Variants in CCR3 observed in about 807,000 individuals in gnomAD.
CCR3 encodes the protein C-C motif chemokine receptor 3, also known as C-C chemokine receptor type 3.
For missense variants in CCR3, 419 were observed against 437.5 expected (o/e 0.96, Z 0.38); for synonymous variants, 203 against 179.2 (o/e 1.13, Z -1.06).
chr3:46,222,017 G>A (rs1699843022), intron 2 of CCR3, among the ~76,000 whole-genome samples: 1 of 152,180 alleles, frequency 6.6e-6, no homozygotes, highest in Non-Finnish European at 1.5e-5. Flanking sequence ...AACTGGCACT[G>A]AAGATTCCCC....
chr3:46,247,715 A>T (rs62243917), intron 1 of CCR3, among the ~76,000 whole-genome samples: 16,745 of 152,116 alleles, frequency 0.11, 1,027 homozygotes, highest in East Asian at 0.2. Context: ...CAGACCCTGT[A>T]GGAAAGGCCT....
intron 2 of CCR3, among the ~76,000 whole-genome samples, chr3:46,237,357 T>C (rs1700035951): frequency 1.3e-5 from 2 of 152,310 alleles, no homozygotes; most frequent in African/African-American, 4.8e-5. Flanking sequence ...GGGTGAATGG[T>C]TTGCATAGAT....
At chr3:46,211,687 G>A (rs1699716425) in intron 2 of CCR3, among the ~76,000 whole-genome samples, 1 of 152,042 alleles carries the variant, frequency 6.6e-6, no homozygotes, top group South Asian at 2.1e-4. Context: ...TTCCCAAAAG[G>A]AACAACAGTA....
At chr3:46,221,891 GC>G (rs1200252725) in intron 2 of CCR3, among the ~76,000 whole-genome samples, 6 of 151,972 alleles carry the variant, frequency 3.9e-5, no homozygotes, top group Non-Finnish European at 8.8e-5. Context: ...CTGACTGGCC[GC>G]CACCCCTCAC....
At chr3:46,251,698 G>A (rs55895303) in intron 1 of CCR3, among the ~76,000 whole-genome samples, 7,858 of 152,142 alleles carry the variant, frequency 0.052, 684 homozygotes, top group African/African-American at 0.18. Flanking sequence ...GGCTGAGTCC[G>A]AAAAGAGAGT....
At chr3:46,229,260 A>G (rs1043433985) in intron 2 of CCR3, among the ~76,000 whole-genome samples, 4 of 152,190 alleles carry the variant, frequency 2.6e-5, no homozygotes, top group Non-Finnish European at 5.9e-5. Context: ...AACTCTTGTG[A>G]TATCAGAATC....
chr3:46,234,980 G>A (rs1192865409), intron 2 of CCR3, among the ~76,000 whole-genome samples: 4 of 152,194 alleles, frequency 2.6e-5, no homozygotes, highest in Non-Finnish European at 5.9e-5. Context: ...CCTTTCTCCT[G>A]AAGGGAGCTC....
At chr3:46,238,177 A>C (rs1371502884), upstream of CCR3, among the ~76,000 whole-genome samples, 1 of 152,218 alleles carries the variant, frequency 6.6e-6, no homozygotes, top group Admixed American at 6.5e-5. Flanking sequence ...GAGTGGCTAT[A>C]CAATTTTTCT....
chr3:46,255,072 T>C (rs1575506733), intron 1 of CCR3, among the ~76,000 whole-genome samples: 2 of 147,356 alleles, frequency 1.4e-5, no homozygotes, highest in African/African-American at 5.0e-5. Context: ...TTTTTTTTTT[T>C]ATTATTATAG....
At chr3:46,239,970 G>A (rs76733709), upstream of CCR3, among the ~76,000 whole-genome samples, 14,568 of 152,134 alleles carry the variant, frequency 0.096, 956 homozygotes, top group Non-Finnish European at 0.14. Context: ...CTGTGAACTC[G>A]TCAACTCTTT....
upstream of CCR3, among the ~76,000 whole-genome samples, chr3:46,239,675 A>G (rs578193483): frequency 3.3e-5 from 5 of 152,130 alleles, no homozygotes; most frequent in Non-Finnish European, 7.4e-5. Context: ...CTTGATCTCA[A>G]TTCCCTTATC....
chr3:46,266,149 CT>C lies in CCR3; in HGVS notation c.993del (p.Pro332LeufsTer62), dbSNP rs1442171209. On this transcript the variant is annotated frameshift_variant, in exon 2 of 2. Coordinates refer to ENST00000395940, the MANE Select transcript of CCR3 (RefSeq NM_178329.3). LOFTEE classifies it low-confidence loss of function (END_TRUNC). ...LMHLGRYIPF[L>X]PSEKLERTSS... ...GCACCTGGGCAGATACATCCCATTC[CT>C]TCCTAGTGAGAAGCTGGAAAGAACC... 5 of 1,614,122 alleles carry C rather than the reference CT, an allele frequency of 3.1e-6. No individual in the cohort carries two copies. Among genetic ancestry groups the C allele is most frequent in the East Asian group, 2.2e-5 (1 of 44,870 alleles).
rs1575511917 is a variant in CCR3, at chr3:46,262,412, T to A, written c.-11-2736T>A. Among the ~76,000 whole-genome samples the A allele has an allele frequency of 2.0e-5, 3 of 152,218 alleles. No homozygotes were observed. In the South Asian group the frequency reaches 6.2e-4, roughly 31 times the overall value. The stretch of plus-strand genomic sequence containing the variant: ...GGGCATCCATATCTGCACAGAGATA[T>A]GTTAACAGTGGTAAATGCTGCATGA... On this transcript the variant is annotated intron_variant, in intron 1 of 1. Coordinates refer to ENST00000395940, the MANE Select transcript of CCR3 (RefSeq NM_178329.3).
At chr3:46,238,001 A>G (rs747145589), upstream of CCR3, among the ~76,000 whole-genome samples, 1 of 152,254 alleles carries the variant, frequency 6.6e-6, no homozygotes, top group Non-Finnish European at 1.5e-5. Flanking sequence ...GGTTAAACAC[A>G]TAGTTTCAGA....
At chr3:46,258,996 A>G (rs1003934901) in intron 1 of CCR3, among the ~76,000 whole-genome samples, 35 of 152,214 alleles carry the variant, frequency 2.3e-4, no homozygotes, top group African/African-American at 8.4e-4. Context: ...TTTAAAAAAT[A>G]TGGCTGTTTC....
chr3:46,250,235 G>A (rs1002466009), intron 1 of CCR3, among the ~76,000 whole-genome samples: 12 of 152,136 alleles, frequency 7.9e-5, no homozygotes, highest in Non-Finnish European at 1.0e-4. Context: ...GTGATGGAAC[G>A]AAACTGTAAG....
upstream of CCR3, among the ~76,000 whole-genome samples, chr3:46,238,755 G>T (rs41418050): frequency 0.19 from 29,550 of 152,020 alleles, 3,109 homozygotes; most frequent in Admixed American, 0.28. Context: ...AAAGTGGGGG[G>T]ACCTGAGGGA....
chr3:46,262,818 C>G (rs977294831), intron 1 of CCR3, among the ~76,000 whole-genome samples: 3 of 152,106 alleles, frequency 2.0e-5, no homozygotes, highest in Admixed American at 1.3e-4. Flanking sequence ...CCATGCCTGG[C>G]TAATTTCTTA....
chr3:46,211,302 G>A (rs1376247415), intron 2 of CCR3, among the ~76,000 whole-genome samples: 1 of 150,038 alleles, frequency 6.7e-6, no homozygotes, highest in Non-Finnish European at 1.5e-5. Context: ...GGGCTCAAGT[G>A]ATCCTCCCAC....
Sources: allele counts gnomAD v4.1 joint callset (sites outside exome capture counted in the v4.1 genomes callset), GRCh38; gene constraint gnomAD v4.1.1; transcripts MANE v1.5; gene names NCBI Gene and HGNC (gene_info 2026-07-23, HGNC 2026-07-21).